The following ADAMTS16 variants were observed in gnomAD, a reference collection of about 807,000 sequenced individuals.
The protein encoded by ADAMTS16 is ADAM metallopeptidase with thrombospondin type 1 motif 16.
In ADAMTS16, 94 loss-of-function variants were observed where a neutral mutation model predicts 145.8. The ratio of observed to expected loss-of-function variants is 0.64; its 90% confidence interval spans 0.55 to 0.77. ADAMTS16 has a LOEUF of 0.77. Among genes scored for constraint, ADAMTS16 ranks in the 30% least tolerant of loss-of-function variants. ADAMTS16 has a pLI of 0.00. For synonymous variants in ADAMTS16, 659 were observed against 604.3 expected (o/e 1.09, Z -1.33); for missense variants, 1,585 against 1,591.5 (o/e 1.00, Z 0.07).
In ADAMTS16 at chr5:5,234,332, C is replaced by A. The variant is rs537354609; in HGVS notation, c.1851-682C>A. ...CTTGAAAGCAAAGTCATTGAACTTCCCTCTGAGTTCCACATTCTCTCAAAT... is the reference window on the plus strand; with the variant it reads ...CTTGAAAGCAAAGTCATTGAACTTCACTCTGAGTTCCACATTCTCTCAAAT... On this transcript the variant is annotated intron_variant, in intron 12 of 22. Coordinates refer to ENST00000274181, the MANE Select transcript of ADAMTS16 (RefSeq NM_139056.4). 1.9e-4 allele frequency among the ~76,000 whole-genome samples: 29 copies of A among 152,278 alleles called. 1 individual carries two copies. In the South Asian group the frequency reaches 4.1e-3, roughly 22 times the overall value.
chr5:5,267,320 C>T (rs1433785525), intron 18 of ADAMTS16, among the ~76,000 whole-genome samples: 1 of 152,192 alleles, frequency 6.6e-6, no homozygotes, highest in African/African-American at 2.4e-5. Context: ...TGCCTTATCC[C>T]GAGGACAGAG....
At position 5,320,222 on chromosome 5, in the gene ADAMTS16, G is replaced by A. The variant is rs1335225294; in HGVS notation, c.*1084G>A. 9 of 263,024 alleles carry A rather than the reference G, an allele frequency of 3.4e-5. No individual in the cohort carries two copies. The highest frequency in any genetic ancestry group is 1.5e-4 in the East Asian group (1 of 6,824). The allele number at this position is 263,024 out of a possible 1,614,324, so 16.3% of individuals were successfully genotyped here. ...CAGTGCGGCTGCTGTTCTCCTGTCC[G>A]GTGCTGTGGCTCCATTCCAAAGGGG... On this transcript the variant is annotated 3_prime_UTR_variant, in exon 23 of 23. Coordinates refer to ENST00000274181, the MANE Select transcript of ADAMTS16 (RefSeq NM_139056.4). This position sits in a 1 kb window ranked among gnomAD's most constrained non-coding sequence, Gnocchi z 5.1.
At chr5:5,162,127 T>G (rs2126528318) in intron 3 of ADAMTS16, among the ~76,000 whole-genome samples, 1 of 152,306 alleles carries the variant, frequency 6.6e-6, no homozygotes, top group Admixed American at 6.5e-5. Context: ...AGTGATATAA[T>G]TTGAATAGTT....
intron 18 of ADAMTS16, among the ~76,000 whole-genome samples, chr5:5,264,784 A>ATGC (rs370513947): frequency 3.3e-5 from 5 of 152,084 alleles, no homozygotes; most frequent in Non-Finnish European, 1.5e-5. Flanking sequence ...ATCAAGAGAG[A>ATGC]ATTTACACAA....
chr5:5,304,889 C>T (rs893833837), intron 20 of ADAMTS16, among the ~76,000 whole-genome samples: 1 of 151,896 alleles, frequency 6.6e-6, no homozygotes, highest in Non-Finnish European at 1.5e-5. Context: ...GCGATGTGGG[C>T]TGCATAATCT....
At chr5:5,194,184 A>G (rs937226813) in intron 8 of ADAMTS16, among the ~76,000 whole-genome samples, 2 of 152,184 alleles carry the variant, frequency 1.3e-5, no homozygotes, top group African/African-American at 4.8e-5. Context: ...AAAGTATCAG[A>G]TCTTTCTTGA....
chr5:5,198,991 TG>T (rs1735882836), intron 8 of ADAMTS16, among the ~76,000 whole-genome samples: 1 of 152,232 alleles, frequency 6.6e-6, no homozygotes, highest in African/African-American at 2.4e-5. Context: ...ATCCATACAA[TG>T]GCTGGGTGCC....
chr5:5,181,109 C>T (rs1477936549), intron 3 of ADAMTS16, among the ~76,000 whole-genome samples: 1 of 152,138 alleles, frequency 6.6e-6, no homozygotes. Context: ...CTGCCATACA[C>T]ATTCACACCT....
At chr5:5,237,544 TCTCCAAGGCCGA>T (rs1355641377) in intron 14 of ADAMTS16, among the ~76,000 whole-genome samples, 2 of 151,742 alleles carry the variant, frequency 1.3e-5, no homozygotes, top group East Asian at 1.9e-4. Context: ...AAGAAGAGGG[TCTCCAAGGCCGA>T]CTCCAAGGCT....
intron 18 of ADAMTS16, among the ~76,000 whole-genome samples, chr5:5,263,209 C>A (rs558235124): frequency 6.6e-6 from 1 of 152,308 alleles, no homozygotes; most frequent in South Asian, 2.1e-4. Context: ...GCCTTGCAAA[C>A]ATACAGCTGT....
chr5:5,236,258 A>G (rs1737101715), intron 13 of ADAMTS16, among the ~76,000 whole-genome samples: 1 of 151,888 alleles, frequency 6.6e-6, no homozygotes, highest in African/African-American at 2.4e-5. Context: ...GCCTATAAAA[A>G]TTTCTAAGAC....
chr5:5,206,397 G>A (rs1255213768), intron 9 of ADAMTS16, among the ~76,000 whole-genome samples: 1 of 93,254 alleles, frequency 1.1e-5, no homozygotes, highest in African/African-American at 4.4e-5. Flanking sequence ...CTGCACTCCA[G>A]CCTGGGCGAC....
intron 11 of ADAMTS16, among the ~76,000 whole-genome samples, chr5:5,228,331 G>A (rs1736824920): frequency 6.6e-6 from 1 of 151,942 alleles, no homozygotes; most frequent in Admixed American, 6.6e-5. Flanking sequence ...TATTATTGAT[G>A]GATTTATTTT....
At chr5:5,215,129 A>G (rs1256374647) in intron 10 of ADAMTS16, among the ~76,000 whole-genome samples, 2 of 152,210 alleles carry the variant, frequency 1.3e-5, no homozygotes, top group African/African-American at 2.4e-5. Flanking sequence ...GACAATGTAA[A>G]TGCATATGCA....
chr5:5,286,092 T>C (rs1739089940), intron 18 of ADAMTS16, among the ~76,000 whole-genome samples: 1 of 152,204 alleles, frequency 6.6e-6, no homozygotes, highest in African/African-American at 2.4e-5. Context: ...TCATTATAAA[T>C]GCTACATGGG....
At chr5:5,249,024 C>A (rs972392030) in intron 17 of ADAMTS16, among the ~76,000 whole-genome samples, 5 of 152,150 alleles carry the variant, frequency 3.3e-5, no homozygotes, top group African/African-American at 1.2e-4. Flanking sequence ...TGAATGCAAG[C>A]TAAAGAAACA....
Position 5,291,323 on chromosome 5 carries a change from C to T in ADAMTS16, c.2790-11945C>T, listed in dbSNP as rs114709600. 9.9e-3 allele frequency among the ~76,000 whole-genome samples: 1,508 copies of T among 152,140 alleles called. 32 individuals are homozygous for T. The highest frequency in any genetic ancestry group is 0.034 in the African/African-American group (1,411 of 41,494). ...TCCCTCTTGTACACAGGCTGAGGGA[C>T]TGAATGTCTGGAATCCTGTGGACCA... On this transcript the variant is annotated intron_variant, in intron 18 of 22. Transcript: ENST00000274181.
intron 18 of ADAMTS16, among the ~76,000 whole-genome samples, chr5:5,274,323 G>A (rs1242582363): frequency 6.6e-6 from 1 of 152,114 alleles, no homozygotes; most frequent in Non-Finnish European, 1.5e-5. Context: ...ATATAGGGGA[G>A]CTTCACTGCC....
At chr5:5,220,708 G>T (rs1038381154) in intron 10 of ADAMTS16, among the ~76,000 whole-genome samples, 1 of 152,020 alleles carries the variant, frequency 6.6e-6, no homozygotes, top group Non-Finnish European at 1.5e-5. Flanking sequence ...ACTGCATTTA[G>T]TCCCCAGGAC....
Sources: gnomAD v4.1 joint callset for allele counts (sites outside exome capture counted in the v4.1 genomes callset) on GRCh38, gnomAD v4.1.1 for gene constraint, Gnocchi (gnomAD v3.1) non-coding constraint, MANE v1.5 for transcripts, NCBI Gene and HGNC (gene_info 2026-07-23, HGNC 2026-07-21) for gene names.